The following PCDHA4 variants were observed in gnomAD, a reference collection of about 807,000 sequenced individuals.
PCDHA4 encodes the protein protocadherin alpha 4, also known as protocadherin alpha-4.
In PCDHA4, 49 loss-of-function variants were observed where a neutral mutation model predicts 61.4. The ratio of observed to expected loss-of-function variants is 0.80; its 90% CI spans 0.63 to 1.01. PCDHA4 has a LOEUF of 1.01. Ranked by LOEUF, PCDHA4 falls within the 50% of genes least tolerant of loss-of-function variation. PCDHA4 has a pLI of 0.00. For synonymous variants in PCDHA4, 590 were observed against 550.3 expected (o/e 1.07, Z -1.01); for missense variants, 1,254 against 1,235.8 (o/e 1.01, Z -0.22).
In PCDHA4 at chr5:140,842,828, T is replaced by G. The variant is rs2150345538; in HGVS notation, c.2385+33256T>G. 123 of 1,593,622 alleles carry G rather than the reference T, an allele frequency of 7.7e-5. 15 individuals carry two copies. Among genetic ancestry groups the G allele is most frequent in the Admixed American group, 1.7e-4 (10 of 59,284 alleles). ...TGTGGAGCGGCGGGTGGGCGAGCGCTCGCTGTCGAGCTACATTTCGGTGCA... is the reference window on the plus strand; with the variant it reads ...TGTGGAGCGGCGGGTGGGCGAGCGCGCGCTGTCGAGCTACATTTCGGTGCA... On this transcript the variant is annotated intron_variant, in intron 1 of 3. Coordinates refer to ENST00000530339, the MANE Select transcript of PCDHA4 (RefSeq NM_018907.4).
At chr5:140,876,117 C>T in intron 1 of PCDHA4, 1 of 1,613,922 alleles carries the variant, frequency 6.2e-7, no homozygotes, top group Non-Finnish European at 8.5e-7. Flanking sequence ...TGATGGTAAT[C>T]GATGGCGGTA....
chr5:140,839,279 C>T (rs1208423796), intron 1 of PCDHA4, among the ~76,000 whole-genome samples: 7 of 151,924 alleles, frequency 4.6e-5, no homozygotes, highest in Non-Finnish European at 1.0e-4. Context: ...TAAAACCTTC[C>T]TAGCATATTA....
In PCDHA4 at chr5:140,863,500, T is replaced by C. The variant is rs536977258; in HGVS notation, c.2385+53928T>C. On this transcript the variant is annotated intron_variant, in intron 1 of 3. Coordinates refer to ENST00000530339, the MANE Select transcript of PCDHA4 (RefSeq NM_018907.4). ...CCTCCCAAGGTCAACATTACGGCTT[T>C]TAGTCCTAGTGTTCTCCCATGGTTC... 36 of 432,458 alleles carry C rather than the reference T, an allele frequency of 8.3e-5. 2 individuals are homozygous for C. Among genetic ancestry groups the C allele is most frequent in the South Asian group, 5.0e-4 (28 of 55,804 alleles). 26.8% of individuals were successfully genotyped at this position (432,458 alleles called of 1,614,324 possible).
intron 1 of PCDHA4, among the ~76,000 whole-genome samples, chr5:140,972,660 A>ATT (rs11350929): frequency 4.2e-4 from 49 of 117,232 alleles, no homozygotes; most frequent in Non-Finnish European, 5.7e-4. Context: ...AAGAAACCAA[A>ATT]TTTTTTTTTT....
intron 1 of PCDHA4, among the ~76,000 whole-genome samples, chr5:140,905,211 G>A (rs1554191947): frequency 6.6e-6 from 1 of 152,130 alleles, no homozygotes; most frequent in Non-Finnish European, 1.5e-5. Flanking sequence ...GTTGATTTTT[G>A]TGTAAGGTGA....
chr5:140,809,106 C>G lies in PCDHA4; in HGVS notation c.1919C>G (p.Thr640Arg). 1.2e-6 allele frequency: 2 copies of G among 1,613,952 alleles called. No homozygotes were observed. The highest frequency in any genetic ancestry group is 1.7e-6 in the Non-Finnish European group (2 of 1,179,922). ...EISTTRALDE[T>R]DAPRHRLLVL... Reference sequence around the variant, plus strand: ...AGCACAACGCGTGCCCTGGACGAAACGGACGCTCCGCGCCACCGCCTACTG... The same window carrying G: ...AGCACAACGCGTGCCCTGGACGAAAGGGACGCTCCGCGCCACCGCCTACTG... Residue 640 changes from threonine (T) to arginine (R), a missense_variant, in exon 1 of 4, where the codon ACG becomes AGG. Thr to Arg is a moderately conservative substitution (Grantham distance 71, BLOSUM62 -1). Coordinates refer to ENST00000530339, the MANE Select transcript of PCDHA4 (RefSeq NM_018907.4).
rs782248969 is a variant in PCDHA4 at position 140,927,466 on chromosome 5, G to A, written c.2386-51483G>A. 67 of 1,614,044 alleles carry A rather than the reference G, an allele frequency of 4.2e-5. No homozygotes were observed. Among genetic ancestry groups the A allele is most frequent in the Non-Finnish European group, 5.4e-5 (64 of 1,180,052 alleles). Reference sequence around the variant, plus strand: ...GGAGTTGGTGTTGGAGAAAGCACTGGATCGCGAACAGCGCGCCACCCACCT... The same window carrying A: ...GGAGTTGGTGTTGGAGAAAGCACTGAATCGCGAACAGCGCGCCACCCACCT... On this transcript the variant is annotated intron_variant, in intron 1 of 3. Coordinates refer to ENST00000530339, the MANE Select transcript of PCDHA4 (RefSeq NM_018907.4).
intron 1 of PCDHA4, among the ~76,000 whole-genome samples, chr5:140,941,561 C>T (rs782382112): frequency 2.1e-4 from 32 of 151,880 alleles, no homozygotes; most frequent in Middle Eastern, 3.2e-3. Context: ...GTGATCCATT[C>T]GCCTCAGCCT....
intron 3 of PCDHA4, among the ~76,000 whole-genome samples, chr5:141,000,389 CTCTCTCTATATA>C (rs1270729414): frequency 5.3e-4 from 33 of 62,572 alleles, no homozygotes; most frequent in African/African-American, 2.0e-3. Context: ...CTCTCTCTCT[CTCTCTCTATATA>C]TATATATATA....
rs1367500775 is a variant in PCDHA4, at chr5:140,929,192, A to G, written c.2386-49757A>G. ...TCTCTGGGACTTGGTTCTGATAATA[A>G]CAGTTTGCTGTTGCGTGGGGAGTAC... On this transcript the variant is annotated intron_variant, in intron 1 of 3. Transcript: ENST00000530339. The G allele has an allele frequency of 8.1e-6, 13 of 1,614,124 alleles. 1 individual carries two copies. The highest frequency in any genetic ancestry group is 1.0e-5 in the Non-Finnish European group (12 of 1,180,018).
At chr5:140,926,301 C>T (rs1554203262) in intron 1 of PCDHA4, 1 of 152,336 alleles carries the variant, frequency 6.6e-6, no homozygotes, top group Non-Finnish European at 1.5e-5. Flanking sequence ...GTCCCGCCCT[C>T]TCCGCCGGAG....
chr5:140,871,292 C>A (rs2052919411), intron 1 of PCDHA4: 2 of 1,613,772 alleles, frequency 1.2e-6, no homozygotes, highest in Non-Finnish European at 8.5e-7. Flanking sequence ...ACTGAGGGCG[C>A]GTGCGCGCCG....
chr5:140,850,615 T>C, intron 1 of PCDHA4: 1 of 1,598,228 alleles, frequency 6.3e-7, no homozygotes, highest in Non-Finnish European at 8.6e-7. Flanking sequence ...ATCTGCGCGG[T>C]GTCTAGCCTG....
At chr5:140,841,383 T>C (rs1554138141) in intron 1 of PCDHA4, 11 of 1,613,486 alleles carry the variant, frequency 6.8e-6, no homozygotes, top group Non-Finnish European at 8.5e-6. Context: ...CTTCTGCTCC[T>C]CGCAGCCTGG....
At chr5:140,910,428 G>A (rs2075029085) in intron 1 of PCDHA4, among the ~76,000 whole-genome samples, 1 of 152,130 alleles carries the variant, frequency 6.6e-6, no homozygotes, top group Admixed American at 6.5e-5. Flanking sequence ...TATTCCCATT[G>A]CATTTAAGTT....
intron 1 of PCDHA4, chr5:140,836,138 G>A (rs2150253717): frequency 6.2e-7 from 1 of 1,613,790 alleles, no homozygotes; most frequent in Middle Eastern, 1.6e-4. Flanking sequence ...CGCGGTCTGT[G>A]GGCGCGGGCC....
intron 1 of PCDHA4, among the ~76,000 whole-genome samples, chr5:140,938,665 G>A (rs542703903): frequency 7.1e-4 from 108 of 152,106 alleles, no homozygotes; most frequent in Admixed American, 1.2e-3. Context: ...ATTAGACTTA[G>A]TTTCCTAACA....
chr5:140,929,245 A>G, intron 1 of PCDHA4: 1 of 1,613,774 alleles, frequency 6.2e-7, no homozygotes. Flanking sequence ...AAATCTTGCC[A>G]CTGGGGTAGG....
rs782039603 is a variant in PCDHA4 at position 140,876,722 on chromosome 5, G to A, written c.2385+67150G>A. 2.5e-6 allele frequency: 4 copies of A among 1,614,134 alleles called. No individual in the cohort carries two copies. In the Admixed American group the frequency reaches 5.0e-5, roughly 20 times the overall value. On this transcript the variant is annotated intron_variant, in intron 1 of 3. Coordinates refer to ENST00000530339, the MANE Select transcript of PCDHA4 (RefSeq NM_018907.4). ...CTGGACAGCGCCCTGGACCGCGAGA[G>A]CGTGTCGGCCTATGAGCTGGTGGTG...
Sources: gnomAD v4.1 joint callset for allele counts (sites outside exome capture counted in the v4.1 genomes callset) on GRCh38, gnomAD v4.1.1 for gene constraint, MANE v1.5 for transcripts, NCBI Gene and HGNC (gene_info 2026-07-23, HGNC 2026-07-21) for gene names.